ECT2L: variants seen among roughly 807,000 people sequenced by gnomAD.
ECT2L encodes the protein epithelial cell transforming 2 like, also known as epithelial cell-transforming sequence 2 oncogene-like.
A neutral mutation model predicts 122.8 loss-of-function variants in ECT2L; 126 were observed. The ratio of observed to expected loss-of-function variants is 1.03; its 90% CI spans 0.89 to 1.19. The LOEUF is 1.19. Among genes scored for constraint, ECT2L ranks in the 50% most tolerant of loss-of-function variants. The pLI is 0.00. For synonymous variants in ECT2L, 385 were observed against 381.8 expected (o/e 1.01, Z -0.10); for missense variants, 1,012 against 1,064.1 (o/e 0.95, Z 0.68).
At position 138,903,186 on chromosome 6, in the gene ECT2L, C is replaced by G. The variant is rs138872269; in HGVS notation, c.*559C>G. ...CAGCCTCACCAACATGGAGAAACCC[C>G]GTCTCTACTAAAAATACAAAATTAG... On this transcript the variant is annotated 3_prime_UTR_variant, in exon 22 of 22. Transcript: ENST00000541398. 2.0e-5 allele frequency: 3 copies of G among 152,668 alleles called. No individual in the cohort carries two copies. Among genetic ancestry groups the G allele is most frequent in the African/African-American group, 7.3e-5 (3 of 41,366 alleles). 9.5% of individuals were successfully genotyped at this position (152,668 alleles called of 1,614,324 possible). A position where few individuals can be genotyped will look rare whatever the true frequency, so the allele number is the denominator to read the frequency against.
At chr6:138,833,320 C>G (rs1419203541) in intron 4 of ECT2L, among the ~76,000 whole-genome samples, 1 of 152,152 alleles carries the variant, frequency 6.6e-6, no homozygotes, top group South Asian at 2.1e-4. Context: ...TAACTTGTTT[C>G]CCCCAGCTTT....
chr6:138,838,541 T>C (rs772205101), intron 5 of ECT2L, 27 bp downstream of exon 5: 4 of 1,598,096 alleles, frequency 2.5e-6, no homozygotes, highest in Non-Finnish European at 3.4e-6. Context: ...TTCCTAGTAA[T>C]AGGGCACAAG....
At chr6:138,844,929 T>C (rs144232493) in intron 7 of ECT2L, among the ~76,000 whole-genome samples, 212 of 152,198 alleles carry the variant, frequency 1.4e-3, no homozygotes, top group African/African-American at 2.7e-3. Flanking sequence ...AGCCCAGCTT[T>C]ACATATTCTC....
intron 13 of ECT2L, among the ~76,000 whole-genome samples, chr6:138,868,686 G>C (rs959522460): frequency 6.6e-6 from 1 of 152,084 alleles, no homozygotes; most frequent in Admixed American, 6.6e-5. Flanking sequence ...ATTCGGCTGG[G>C]GATGGGTGTA....
At chr6:138,878,502 G>A (rs569539726) in intron 14 of ECT2L, among the ~76,000 whole-genome samples, 49 of 152,106 alleles carry the variant, frequency 3.2e-4, no homozygotes, top group African/African-American at 1.1e-3. Flanking sequence ...GCTGGAGTGC[G>A]GTGGCATGAC....
At chr6:138,817,161 T>G (rs1219564855) in intron 4 of ECT2L, among the ~76,000 whole-genome samples, 1 of 152,256 alleles carries the variant, frequency 6.6e-6, no homozygotes, top group East Asian at 1.9e-4. Context: ...ATTATCCCAT[T>G]GTATGGATGT....
chr6:138,895,738 A>AT (rs1779186866), intron 20 of ECT2L, among the ~76,000 whole-genome samples: 4 of 151,770 alleles, frequency 2.6e-5, no homozygotes, highest in South Asian at 4.2e-4. Flanking sequence ...CTCCCAGCTA[A>AT]TTTTTTTGTA....
intron 9 of ECT2L, among the ~76,000 whole-genome samples, chr6:138,851,778 C>T (rs78455435): frequency 0.025 from 3,763 of 152,174 alleles, 131 homozygotes; most frequent in African/African-American, 0.086. Flanking sequence ...TTCATTTTCA[C>T]TGTGTTGATT....
chr6:138,860,804 C>A (rs1484832505), intron 10 of ECT2L, among the ~76,000 whole-genome samples: 1 of 150,038 alleles, frequency 6.7e-6, no homozygotes, highest in South Asian at 2.1e-4. Context: ...TGGTTTGCTG[C>A]ACTTATCAAC....
intron 13 of ECT2L, among the ~76,000 whole-genome samples, chr6:138,876,165 G>A (rs1778443885): frequency 6.6e-6 from 1 of 152,076 alleles, no homozygotes; most frequent in African/African-American, 2.4e-5. Context: ...GAATGTGTGT[G>A]AGTCTTTAAG....
chr6:138,849,545 AT>A, intron 9 of ECT2L, 111 bp downstream of exon 9: 4 of 899,726 alleles, frequency 4.4e-6, no homozygotes, highest in African/African-American at 1.8e-5. Context: ...AGACGTGTTG[AT>A]TTTTTGGCTT....
At chr6:138,849,137 C>T in intron 8 of ECT2L, 132 bp from the exon 9 acceptor site, 2 of 879,202 alleles carry the variant, frequency 2.3e-6, no homozygotes, top group Non-Finnish European at 3.2e-6. Context: ...AAGGAGGAAG[C>T]TTATCTTCTT....
chr6:138,870,297 A>G (rs937419559), intron 13 of ECT2L: 3 of 152,674 alleles, frequency 2.0e-5, no homozygotes, highest in African/African-American at 7.2e-5. Context: ...ACCCAAAGAC[A>G]ACATTCAGTT....
At position 138,881,178 on chromosome 6, in the gene ECT2L, C is replaced by G. The variant is rs1397114798; in HGVS notation, c.1880+7C>G. On this transcript the variant is annotated splice_region_variant and intron_variant, in intron 15 of 21. Coordinates refer to ENST00000541398, the MANE Select transcript of ECT2L (RefSeq NM_001077706.3). ...AGATTTTAAGTCTCAACAGGTAAAC[C>G]CTGAATATGTATTTTTTTTAATATT... The G allele has an allele frequency of 6.2e-7, 1 of 1,611,548 alleles. No individual in the cohort carries two copies. The highest frequency in any genetic ancestry group is 8.5e-7 in the Non-Finnish European group (1 of 1,178,484).
chr6:138,886,373 C>T (rs574571724), intron 18 of ECT2L, among the ~76,000 whole-genome samples: 2 of 152,186 alleles, frequency 1.3e-5, no homozygotes, highest in Middle Eastern at 3.4e-3. Context: ...TTGTCACTTG[C>T]CTTTGTTTTA....
At position 138,836,020 on chromosome 6, in the gene ECT2L, C is replaced by T. The variant is rs1201737255; in HGVS notation, c.180-2332C>T. ...GTTGGGTGATGGTTCCTCAAGATTA[C>T]GCTCAGGTTATGCCTTCTTGGCAGG... is the stretch of plus-strand genomic sequence containing the variant. On this transcript the variant is annotated intron_variant, in intron 4 of 21. Transcript: ENST00000541398. 3.3e-5 allele frequency among the ~76,000 whole-genome samples: 5 copies of T among 151,890 alleles called. No homozygotes were observed. The East Asian group carries it at 9.7e-4, about 29-fold the overall frequency.
At chr6:138,803,315 T>G (rs1775606907) in intron 1 of ECT2L, among the ~76,000 whole-genome samples, 1 of 108,926 alleles carries the variant, frequency 9.2e-6, no homozygotes, top group Non-Finnish European at 1.8e-5. Context: ...CATATATGCA[T>G]GTACACACAC....
rs992056552 is a variant in ECT2L at position 138,803,058 on chromosome 6, C to T, written c.-244+6866C>T. ...ACCACTTGCACTCCAACCTGGGCGA[C>T]ACAGAGAGAGACTGTCTCAAAAAAA... On this transcript the variant is annotated intron_variant, in intron 1 of 21. Transcript: ENST00000541398. Among the ~76,000 whole-genome samples, 15 of 142,416 alleles carry T rather than the reference C, an allele frequency of 1.1e-4. No individual in the cohort carries two copies. In the East Asian group the frequency reaches 2.3e-3, roughly 22 times the overall value. The allele number at this position is 142,416 out of a possible 152,430, so 93.4% of individuals were successfully genotyped here. A position where few individuals can be genotyped will look rare whatever the true frequency, so the allele number is the denominator to read the frequency against.
At chr6:138,898,060 TA>T (rs5880406) in intron 20 of ECT2L, among the ~76,000 whole-genome samples, 23,360 of 149,540 alleles carry the variant, frequency 0.16, 1,925 homozygotes, top group African/African-American at 0.19. Context: ...ATGGATATGG[TA>T]AAAAAAAAAA....
Sources: gnomAD v4.1 joint callset for allele counts (sites outside exome capture counted in the v4.1 genomes callset) on GRCh38, gnomAD v4.1.1 for gene constraint, MANE v1.5 for transcripts, NCBI Gene and HGNC (gene_info 2026-07-23, HGNC 2026-07-21) for gene names.